The following NFIB variants were observed in gnomAD, a reference collection of about 807,000 sequenced individuals.
NFIB encodes the protein nuclear factor 1 B-type.
In NFIB, 11 loss-of-function variants were observed where a neutral mutation model predicts 61.5. That is an observed-to-expected ratio of 0.18 (90% CI 0.11 to 0.30). The LOEUF (loss-of-function observed/expected upper bound fraction) is 0.30. Ranked by LOEUF, NFIB falls within the 10% of genes least tolerant of loss-of-function variation. NFIB has a pLI of 1.00. For missense variants in NFIB, 471 were observed against 608.9 expected (o/e 0.77, Z 2.38); for synonymous variants, 260 against 216.5 (o/e 1.20, Z -1.76).
intron 10 of NFIB, among the ~76,000 whole-genome samples, chr9:14,104,136 C>G (rs1020338237): frequency 2.0e-5 from 3 of 151,956 alleles, no homozygotes; most frequent in African/African-American, 7.3e-5. Flanking sequence ...TGGTCTCGAA[C>G]TCCTGACCTT....
chr9:14,148,273 C>T (rs1214950941), intron 5 of NFIB, among the ~76,000 whole-genome samples: 3 of 151,922 alleles, frequency 2.0e-5, no homozygotes, highest in African/African-American at 7.3e-5. Context: ...CACACACATG[C>T]CACCAAGCCT....
chr9:14,522,370 ATC>A, the NFIB span, among the ~76,000 whole-genome samples: 1 of 152,192 alleles, frequency 6.6e-6, no homozygotes, highest in African/African-American at 2.4e-5. Flanking sequence ...ATTTATAAAC[ATC>A]TTTGGTGCCA....
chr9:14,414,295 C>T, the NFIB span, among the ~76,000 whole-genome samples: 4 of 151,796 alleles, frequency 2.6e-5, no homozygotes, highest in Admixed American at 6.6e-5. Context: ...ATTAGCTGGG[C>T]GTGGTGGCAT....
At chr9:14,363,451 A>G (rs1004620790) in intron 1 of NFIB, among the ~76,000 whole-genome samples, 2 of 152,132 alleles carry the variant, frequency 1.3e-5, no homozygotes, top group Non-Finnish European at 2.9e-5. Flanking sequence ...CATTGTTCCG[A>G]TGTCAACCAA....
chr9:14,216,679 A>C (rs1350951758), intron 2 of NFIB, among the ~76,000 whole-genome samples: 1 of 152,186 alleles, frequency 6.6e-6, no homozygotes, highest in East Asian at 1.9e-4. Flanking sequence ...CAAAGGACTC[A>C]TGTCACCACA....
chr9:14,391,274 T>TA (rs1287517968), intron 1 of NFIB, among the ~76,000 whole-genome samples: 1 of 152,088 alleles, frequency 6.6e-6, no homozygotes, highest in African/African-American at 2.4e-5. Flanking sequence ...ATGGACACTT[T>TA]ATCTCTGTGG....
chr9:14,199,575 A>T (rs1003094055), intron 2 of NFIB, among the ~76,000 whole-genome samples: 2 of 152,256 alleles, frequency 1.3e-5, no homozygotes, highest in Non-Finnish European at 2.9e-5. Flanking sequence ...AATTAAAAAC[A>T]AAACAGCAAA....
At chr9:14,460,816 T>C in the NFIB span, among the ~76,000 whole-genome samples, 1 of 152,072 alleles carries the variant, frequency 6.6e-6, no homozygotes, top group East Asian at 1.9e-4. Context: ...GAAATCCAAA[T>C]TCCTTAGTGT....
intron 1 of NFIB, among the ~76,000 whole-genome samples, chr9:14,375,244 G>C (rs115114824): frequency 1.3e-5 from 2 of 152,156 alleles, no homozygotes; most frequent in East Asian, 1.9e-4. Context: ...TCCAGTCTTA[G>C]GCCATGATAT....
the NFIB span, among the ~76,000 whole-genome samples, chr9:14,481,231 ATG>A: frequency 1.1e-4 from 13 of 123,802 alleles, no homozygotes; most frequent in Non-Finnish European, 2.0e-4. Context: ...ATATATATAT[ATG>A]TAGCTTAGCA....
At chr9:14,179,586 G>A (rs1385517408) in intron 3 of NFIB, 141 bp downstream of exon 3, 6 of 736,438 alleles carry the variant, frequency 8.1e-6, no homozygotes, top group Non-Finnish European at 1.3e-5. Context: ...AAGGGCCTAA[G>A]CACAATCACA....
At chr9:14,367,011 C>T (rs998625946) in intron 1 of NFIB, among the ~76,000 whole-genome samples, 3 of 152,088 alleles carry the variant, frequency 2.0e-5, no homozygotes, top group African/African-American at 2.4e-5. Context: ...CCACTCTAAA[C>T]GCTAAATGTA....
chr9:14,187,362 C>A (rs1411206140), intron 2 of NFIB, among the ~76,000 whole-genome samples: 1 of 152,090 alleles, frequency 6.6e-6, no homozygotes, highest in Non-Finnish European at 1.5e-5. Flanking sequence ...TTGGGAGATG[C>A]AGTTTCCTGC....
chr9:14,225,543 G>C lies in NFIB; in HGVS notation c.563-45763C>G, dbSNP rs1332536884. The stretch of plus-strand genomic sequence containing the variant: ...GCAATGATTGAGCTTGTGCTGAAAT[G>C]AAGTGATGGATTGTGCCTGGAATTT... On this transcript the variant is annotated intron_variant, in intron 2 of 10. Coordinates refer to ENST00000380953, the MANE Select transcript of NFIB (RefSeq NM_001190737.2). Among the ~76,000 whole-genome samples, 5 of 151,364 alleles carry C rather than the reference G, an allele frequency of 3.3e-5. No individual in the cohort carries two copies. In the East Asian group the frequency reaches 9.7e-4, roughly 30 times the overall value.
At chr9:14,479,280 A>G in the NFIB span, among the ~76,000 whole-genome samples, 1 of 152,224 alleles carries the variant, frequency 6.6e-6, no homozygotes, top group Non-Finnish European at 1.5e-5. Context: ...GATACCAGCA[A>G]GTAGCAGTGA....
intron 1 of NFIB, among the ~76,000 whole-genome samples, chr9:14,353,664 A>G (rs1025935658): frequency 1.3e-5 from 2 of 152,220 alleles, no homozygotes; most frequent in South Asian, 4.2e-4. Flanking sequence ...CTGGTGTCCG[A>G]CTGGCCGCCG....
At chr9:14,300,449 A>G (rs1024702749) in intron 2 of NFIB, among the ~76,000 whole-genome samples, 1 of 152,188 alleles carries the variant, frequency 6.6e-6, no homozygotes, top group African/African-American at 2.4e-5. Flanking sequence ...TACTTTCATC[A>G]ACTTCAAACT....
At chr9:14,430,681 A>C in the NFIB span, among the ~76,000 whole-genome samples, 2 of 152,168 alleles carry the variant, frequency 1.3e-5, no homozygotes, top group Non-Finnish European at 2.9e-5. Flanking sequence ...TCCCAGGTTC[A>C]AGTGAGTCTC....
chr9:14,334,764 TG>T (rs1372715855), intron 1 of NFIB, among the ~76,000 whole-genome samples: 1 of 152,228 alleles, frequency 6.6e-6, no homozygotes, highest in South Asian at 2.1e-4. Flanking sequence ...TATACACCCA[TG>T]AAACCATTAC....
Sources: allele counts gnomAD v4.1 joint callset (sites outside exome capture counted in the v4.1 genomes callset), GRCh38; gene constraint gnomAD v4.1.1; transcripts MANE v1.5; gene names NCBI Gene and HGNC (gene_info 2026-07-23, HGNC 2026-07-21).